The following CUX1 variants were observed in gnomAD, a reference collection of about 807,000 sequenced individuals.
The protein encoded by CUX1 is cut like homeobox 1.
Under a neutral mutation model 158.8 loss-of-function variants are expected in CUX1, and 31 were observed. That is an observed-to-expected ratio of 0.20 (90% confidence interval 0.15 to 0.26). The LOEUF (loss-of-function observed/expected upper bound fraction) is 0.26. Among genes scored for constraint, CUX1 ranks in the 10% least tolerant of loss-of-function variants. The pLI, the probability that CUX1 is intolerant of heterozygous loss-of-function variation, is 1.00. For missense variants in CUX1, 1,589 were observed against 2,014.6 expected (o/e 0.79, Z 4.04); for synonymous variants, 879 against 862.1 (o/e 1.02, Z -0.34).
At chr7:102,080,440 C>T (rs1184207987) in intron 4 of CUX1, among the ~76,000 whole-genome samples, 1 of 152,116 alleles carries the variant, frequency 6.6e-6, no homozygotes, top group Non-Finnish European at 1.5e-5. Context: ...ATTACATTAG[C>T]CTAGAGTGCC....
chr7:101,872,059 T>G lies in CUX1; in HGVS notation c.31-44056T>G, dbSNP rs117963339. ...GAAAAGAAAGTTGTGTGCAGCGTGA[T>G]TCTGTGAGTTCAAGATGCAAAGCAA... On this transcript the variant is annotated intron_variant, in intron 1 of 23. Coordinates refer to ENST00000292535, the MANE Select transcript of CUX1 (RefSeq NM_181552.4). Among the ~76,000 whole-genome samples the G allele has an allele frequency of 9.5e-3, 1,451 of 151,964 alleles. 12 individuals are homozygous for G. The highest frequency in any genetic ancestry group is 0.031 in the Middle Eastern group (9 of 294).
intron 8 of CUX1, among the ~76,000 whole-genome samples, chr7:102,142,578 T>C (rs1295868603): frequency 6.6e-6 from 1 of 151,172 alleles, no homozygotes; most frequent in East Asian, 2.0e-4. Flanking sequence ...TGAGCCATGA[T>C]AGTACCACTG....
intron 1 of CUX1, among the ~76,000 whole-genome samples, chr7:101,824,880 G>A (rs891751706): frequency 3.3e-5 from 5 of 152,154 alleles, no homozygotes; most frequent in African/African-American, 1.2e-4. Flanking sequence ...AAAGACTTTC[G>A]TTCTCCCTCT....
chr7:101,821,850 T>G lies in CUX1; in HGVS notation c.30+4181T>G, dbSNP rs1275682962. ...CCACCATGCCTGGCTAGTTTTTTTG[T>G]TTTTTTGTTTTTTTTTTTTTTTGAG... On this transcript the variant is annotated intron_variant, in intron 1 of 23. Coordinates refer to ENST00000292535, the MANE Select transcript of CUX1 (RefSeq NM_181552.4). Among the ~76,000 whole-genome samples the G allele has an allele frequency of 6.8e-5, 8 of 117,930 alleles. 1 individual carries two copies. Among genetic ancestry groups the G allele is most frequent in the Admixed American group, 2.4e-4 (3 of 12,264 alleles). 77.4% of individuals were successfully genotyped at this position (117,930 alleles called of 152,430 possible). A position where few individuals can be genotyped will look rare whatever the true frequency, so the allele number is the denominator to read the frequency against.
chr7:102,012,586 C>T (rs1457025544), intron 2 of CUX1, among the ~76,000 whole-genome samples: 2 of 152,006 alleles, frequency 1.3e-5, no homozygotes, highest in Non-Finnish European at 2.9e-5. Context: ...TCTACTTTTC[C>T]CAGCGTCCTC....
intron 2 of CUX1, among the ~76,000 whole-genome samples, chr7:101,953,714 G>A (rs957842696): frequency 2.0e-5 from 3 of 152,076 alleles, no homozygotes; most frequent in Non-Finnish European, 2.9e-5. Flanking sequence ...CCTCAGGCCC[G>A]TGCCAGGACA....
chr7:102,241,043 C>T (rs1554534801), intron 23 of CUX1, among the ~76,000 whole-genome samples: 1 of 152,198 alleles, frequency 6.6e-6, no homozygotes, highest in African/African-American at 2.4e-5. Flanking sequence ...TGGTCTCGAA[C>T]TCCTGACCTC....
At chr7:102,171,096 CTT>C (rs1791669435) in intron 10 of CUX1, among the ~76,000 whole-genome samples, 4 of 152,190 alleles carry the variant, frequency 2.6e-5, no homozygotes, top group African/African-American at 7.2e-5. Flanking sequence ...GCAAATGGCT[CTT>C]AGCCCAAACA....
intron 2 of CUX1, among the ~76,000 whole-genome samples, chr7:102,019,433 G>A (rs1415499379): frequency 6.6e-6 from 1 of 151,992 alleles, no homozygotes; most frequent in Non-Finnish European, 1.5e-5. Context: ...CCATGTTGGC[G>A]AGGCTGGTCT....
At chr7:102,058,055 G>A (rs1824363303) in intron 3 of CUX1, among the ~76,000 whole-genome samples, 1 of 152,158 alleles carries the variant, frequency 6.6e-6, no homozygotes, top group African/African-American at 2.4e-5. Context: ...ACCAAGGCAA[G>A]ACTCTCCACC....
chr7:101,840,663 A>G (rs1795116920), intron 1 of CUX1, among the ~76,000 whole-genome samples: 2 of 152,106 alleles, frequency 1.3e-5, no homozygotes, highest in South Asian at 2.1e-4. Context: ...AAATTGGCCT[A>G]TAATTTTCTT....
intron 10 of CUX1, among the ~76,000 whole-genome samples, chr7:102,173,380 A>G (rs1396253521): frequency 1.3e-5 from 2 of 152,172 alleles, no homozygotes; most frequent in Non-Finnish European, 2.9e-5. Flanking sequence ...AAAAAAAGAT[A>G]TGATTGAAGT....
At chr7:102,028,913 T>C (rs1306289176) in intron 3 of CUX1, among the ~76,000 whole-genome samples, 2 of 151,408 alleles carry the variant, frequency 1.3e-5, no homozygotes, top group Non-Finnish European at 2.9e-5. Context: ...AGTGGAATCA[T>C]AGCAGGCTGA....
chr7:102,076,252 G>A (rs1269301752), intron 4 of CUX1, among the ~76,000 whole-genome samples: 1 of 152,118 alleles, frequency 6.6e-6, no homozygotes, highest in Non-Finnish European at 1.5e-5. Flanking sequence ...GGGCGTGGTG[G>A]TGGGCACCTG....
chr7:101,933,849 C>G (rs1447599850), intron 2 of CUX1, among the ~76,000 whole-genome samples: 2 of 151,940 alleles, frequency 1.3e-5, no homozygotes, highest in African/African-American at 4.8e-5. Context: ...GTCTTTTAGC[C>G]CTAATTTAGA....
At chr7:102,231,412 T>C (rs991306376) in intron 21 of CUX1, among the ~76,000 whole-genome samples, 6 of 152,020 alleles carry the variant, frequency 3.9e-5, no homozygotes, top group African/African-American at 1.2e-4. Context: ...TTATCATCCA[T>C]GCCACCATCA....
At chr7:102,026,855 A>T (rs1165938455) in intron 2 of CUX1, among the ~76,000 whole-genome samples, 67 of 150,272 alleles carry the variant, frequency 4.5e-4, no homozygotes, top group Admixed American at 4.5e-3. Flanking sequence ...CATAGTTTCA[A>T]TGCCTAAACT....
At chr7:102,025,862 T>C (rs1175445064) in intron 2 of CUX1, among the ~76,000 whole-genome samples, 1 of 152,070 alleles carries the variant, frequency 6.6e-6, no homozygotes, top group African/African-American at 2.4e-5. Flanking sequence ...ACGTGGGCTG[T>C]GATGATATTT....
At chr7:102,282,957 T>G (rs1792217100) in intron 22 of CUX1, 5 of 763,342 alleles carry the variant, frequency 6.6e-6, no homozygotes, top group African/African-American at 2.1e-5. Flanking sequence ...CCCCATCACA[T>G]GGTACACACC....
Sources: allele counts gnomAD v4.1 joint callset (sites outside exome capture counted in the v4.1 genomes callset), GRCh38; gene constraint gnomAD v4.1.1; transcripts MANE v1.5; gene names NCBI Gene and HGNC (gene_info 2026-07-23, HGNC 2026-07-21).